The following EYS variants were observed in gnomAD, a reference collection of about 807,000 sequenced individuals.
EYS encodes EGF-like photoreceptor maintenance factor.
In EYS, 250 loss-of-function variants were observed where a neutral mutation model predicts 282.1. That is an observed-to-expected ratio of 0.89 (90% CI 0.80 to 0.98). The LOEUF (loss-of-function observed/expected upper bound fraction) is 0.98, where lower values mean the gene tolerates loss of function less well. Ranked by LOEUF, EYS falls within the 50% of genes least tolerant of loss-of-function variation. EYS has a pLI of 0.00. For missense variants in EYS, 4,016 were observed against 3,709.0 expected, an observed-to-expected ratio of 1.08 and a Z score of -2.15; for synonymous variants, 1,355 against 1,282.9, an observed-to-expected ratio of 1.06 and a Z score of -1.20.
At chr6:64,569,458 G>A (rs1765652771) in intron 26 of EYS, among the ~76,000 whole-genome samples, 1 of 151,886 alleles carries the variant, frequency 6.6e-6, no homozygotes, top group African/African-American at 2.4e-5. Context: ...AGAATGAAAA[G>A]GAGCCGGGCG....
At chr6:65,515,873 A>C (rs946487270) in intron 2 of EYS, among the ~76,000 whole-genome samples, 1 of 151,384 alleles carries the variant, frequency 6.6e-6, no homozygotes, top group Non-Finnish European at 1.5e-5. Flanking sequence ...GCACACCAGC[A>C]TGGCACATGT....
chr6:64,643,212 A>AC (rs1768234083), intron 22 of EYS, among the ~76,000 whole-genome samples: 1 of 151,952 alleles, frequency 6.6e-6, no homozygotes, highest in East Asian at 1.9e-4. Flanking sequence ...GAGAGAAGAC[A>AC]TGTGCTTTTA....
In EYS at chr6:65,689,839, G is replaced by A. The variant is rs1031107583; in HGVS notation, c.-448+17296C>T. ...TGGGATCTGGCCAGCAGCCCTCAAT[G>A]CAATGGGGATCTCTCTTTGTTCCCA... On this transcript the variant is annotated intron_variant, in intron 1 of 42. Coordinates refer to ENST00000503581, the MANE Select transcript of EYS (RefSeq NM_001142800.2). Among the ~76,000 whole-genome samples the A allele has an allele frequency of 1.3e-5, 2 of 149,864 alleles. 1 individual carries two copies. Among genetic ancestry groups the A allele is most frequent in the Non-Finnish European group, 3.0e-5 (2 of 67,636 alleles).
At chr6:65,417,171 T>C (rs1317724238) in intron 5 of EYS, among the ~76,000 whole-genome samples, 1 of 151,970 alleles carries the variant, frequency 6.6e-6, no homozygotes, top group Admixed American at 6.6e-5. Context: ...TGTAAAGTTG[T>C]AGTAAAATTG....
At chr6:65,409,161 C>T (rs1445872503) in intron 5 of EYS, among the ~76,000 whole-genome samples, 1 of 152,146 alleles carries the variant, frequency 6.6e-6, no homozygotes, top group Non-Finnish European at 1.5e-5. Flanking sequence ...CAGAGTTGTA[C>T]AGTGAGGTTT....
At chr6:64,313,276 G>A (rs1382372854) in intron 29 of EYS, among the ~76,000 whole-genome samples, 1 of 152,066 alleles carries the variant, frequency 6.6e-6, no homozygotes, top group Non-Finnish European at 1.5e-5. Context: ...CAGAAGAAAG[G>A]ATATCAGAGA....
intron 12 of EYS, among the ~76,000 whole-genome samples, chr6:65,058,033 T>G (rs1773467471): frequency 6.6e-6 from 1 of 152,126 alleles, no homozygotes; most frequent in African/African-American, 2.4e-5. Context: ...TGCAGATATT[T>G]CAGGTTACTG....
At chr6:64,563,561 A>T (rs755888837) in intron 26 of EYS, among the ~76,000 whole-genome samples, 8 of 152,142 alleles carry the variant, frequency 5.3e-5, no homozygotes, top group Non-Finnish European at 8.8e-5. Context: ...CCAGATCCTG[A>T]TGTCTAAAAA....
At chr6:65,595,223 A>T (rs537451415) in intron 2 of EYS, among the ~76,000 whole-genome samples, 1 of 152,250 alleles carries the variant, frequency 6.6e-6, no homozygotes, top group South Asian at 2.1e-4. Context: ...GCAAGAACAA[A>T]AAACCAAACA....
In EYS at chr6:65,457,273, T is replaced by A. The variant is rs973288210; in HGVS notation, c.862+33321A>T. On this transcript the variant is annotated intron_variant, in intron 5 of 42. Coordinates refer to ENST00000503581, the MANE Select transcript of EYS (RefSeq NM_001142800.2). ...TTGACCTCATGGGCTTAAGTGATTC[T>A]CCTGTCTCAGACTCCTATGTTTCTG... 6.6e-5 allele frequency among the ~76,000 whole-genome samples: 10 copies of A among 152,244 alleles called. No homozygotes were observed. In the East Asian group the frequency reaches 1.7e-3, roughly 27 times the overall value.
At chr6:64,520,870 A>G (rs1014243018) in intron 26 of EYS, among the ~76,000 whole-genome samples, 3 of 151,750 alleles carry the variant, frequency 2.0e-5, no homozygotes, top group Admixed American at 1.3e-4. Flanking sequence ...TCAGGAAAAG[A>G]GAAGCCACGA....
chr6:65,261,956 C>A (rs1262509033), intron 12 of EYS, among the ~76,000 whole-genome samples: 1 of 151,748 alleles, frequency 6.6e-6, no homozygotes, highest in East Asian at 1.9e-4. Context: ...TATTTATGGA[C>A]ACGTTCCTCT....
At chr6:64,067,134 C>T (rs142798104) in intron 32 of EYS, among the ~76,000 whole-genome samples, 2 of 152,110 alleles carry the variant, frequency 1.3e-5, no homozygotes, top group African/African-American at 2.4e-5. Flanking sequence ...TGAGATCATA[C>T]TTTATTCATA....
At chr6:65,678,889 C>A (rs1041211805) in intron 1 of EYS, among the ~76,000 whole-genome samples, 4 of 147,888 alleles carry the variant, frequency 2.7e-5, no homozygotes, top group African/African-American at 9.9e-5. Flanking sequence ...CAGGAAAAAA[C>A]AGATCAAAAC....
At chr6:64,145,263 C>G (rs2150290627) in intron 31 of EYS, among the ~76,000 whole-genome samples, 1 of 152,262 alleles carries the variant, frequency 6.6e-6, no homozygotes, top group East Asian at 1.9e-4. Context: ...CATGATGTAA[C>G]TGCAAACTGA....
chr6:65,474,807 CAG>C (rs2127246555), intron 5 of EYS, among the ~76,000 whole-genome samples: 1 of 152,028 alleles, frequency 6.6e-6, no homozygotes, highest in East Asian at 1.9e-4. Context: ...AACAGATGAC[CAG>C]TAAAAACTTT....
At chr6:64,526,791 T>C (rs971489031) in intron 26 of EYS, among the ~76,000 whole-genome samples, 1 of 151,806 alleles carries the variant, frequency 6.6e-6, no homozygotes, top group African/African-American at 2.4e-5. Context: ...TATAATCAAG[T>C]ATTTAATGGC....
intron 35 of EYS, among the ~76,000 whole-genome samples, chr6:63,874,907 T>C (rs1772925695): frequency 6.6e-6 from 1 of 152,216 alleles, no homozygotes; most frequent in Non-Finnish European, 1.5e-5. Flanking sequence ...TACAATCATG[T>C]CATCTGCAAA....
At chr6:64,986,586 T>C (rs1300566681) in intron 14 of EYS, among the ~76,000 whole-genome samples, 1 of 151,260 alleles carries the variant, frequency 6.6e-6, no homozygotes, top group East Asian at 1.9e-4. Context: ...CTTACTATGG[T>C]TTGTTTTTAC....
Sources: gnomAD v4.1 joint callset for allele counts (sites outside exome capture counted in the v4.1 genomes callset) on GRCh38, gnomAD v4.1.1 for gene constraint, MANE v1.5 for transcripts, NCBI Gene and HGNC (gene_info 2026-07-23, HGNC 2026-07-21) for gene names.